MGAT4D: variants seen among roughly 807,000 people sequenced by gnomAD.
MGAT4D encodes MGAT4 family member D, also known as alpha-1,3-mannosyl-glycoprotein 4-beta-N-acetylglucosaminyltransferase-like protein MGAT4D.
In MGAT4D, 34 loss-of-function variants were observed where a neutral mutation model predicts 15.9. The observed-to-expected ratio is 2.14, with a 90% CI of 1.62 to 2.84. MGAT4D has a LOEUF of 2.84. Ranked by LOEUF, MGAT4D falls within the 30% of genes most tolerant of loss-of-function variation. The pLI is 0.00. For synonymous variants in MGAT4D, 112 were observed against 48.2 expected (o/e 2.33, Z -5.49); for missense variants, 327 against 140.2 (o/e 2.33, Z -6.73).
At position 140,451,456 on chromosome 4, in the gene MGAT4D, T is replaced by C; in HGVS notation, c.1070A>G (p.His357Arg). 1 of 636,550 alleles carries C rather than the reference T, an allele frequency of 1.6e-6. No individual in the cohort carries two copies. Among genetic ancestry groups the C allele is most frequent in the Non-Finnish European group, 2.9e-6 (1 of 348,206 alleles). The allele number at this position is 636,550 out of a possible 1,614,324, so 39.4% of individuals were successfully genotyped here. A position where few individuals can be genotyped will look rare whatever the true frequency, so the allele number is the denominator to read the frequency against. The change falls in exon 10 of 11, where the codon CAT becomes CGT. Residue 357 changes from histidine to arginine, a missense_variant. Coordinates refer to ENST00000511113, the MANE Select transcript of MGAT4D (RefSeq NM_001277353.2). Reference sequence around the variant, plus strand: ...AGGGAATGATGAATGTATACCCACATGCTGGAAAAGAGAAGGTTTATACTG... The same window carrying C: ...AGGGAATGATGAATGTATACCCACACGCTGGAAAAGAGAAGGTTTATACTG... The part of the protein sequence containing the change: ...RIQYKPSLFQ[H>R]VGIHSSFPRK...
intron 1 of MGAT4D, among the ~76,000 whole-genome samples, chr4:140,487,196 C>T (rs1050272467): frequency 2.6e-5 from 4 of 152,076 alleles, no homozygotes; most frequent in African/African-American, 7.2e-5. Context: ...CATATTTACC[C>T]AGGTATTTAG....
At chr4:140,494,483 T>C (rs56316664) in intron 1 of MGAT4D, among the ~76,000 whole-genome samples, 5,903 of 152,262 alleles carry the variant, frequency 0.039, 132 homozygotes, top group South Asian at 0.084. Context: ...CTAGGGGATC[T>C]CATCCCATTT....
At chr4:140,486,358 AT>A (rs892869219) in intron 1 of MGAT4D, among the ~76,000 whole-genome samples, 2 of 151,912 alleles carry the variant, frequency 1.3e-5, no homozygotes, top group African/African-American at 4.8e-5. Flanking sequence ...CCTTATTATT[AT>A]TTTTTTAATT....
chr4:140,486,493 C>T (rs1465523839), intron 1 of MGAT4D, among the ~76,000 whole-genome samples: 1 of 152,082 alleles, frequency 6.6e-6, no homozygotes, highest in Non-Finnish European at 1.5e-5. Context: ...CTCCCCTAGC[C>T]ACCCACCCCG....
Position 140,484,842 on chromosome 4 carries a change from A to C in MGAT4D, c.95-2357T>G, listed in dbSNP as rs1210921087. Among the ~76,000 whole-genome samples the C allele has an allele frequency of 2.6e-5, 4 of 152,180 alleles. No individual in the cohort carries two copies. The South Asian group carries it at 6.2e-4, about 24-fold the overall frequency. ...GCCATCAGAGAAATGCAAATCAAAAACACAATGAGATACCATTTCACACCA... is the reference window on the plus strand; with the variant it reads ...GCCATCAGAGAAATGCAAATCAAAACCACAATGAGATACCATTTCACACCA... On this transcript the variant is annotated intron_variant, in intron 1 of 10. Transcript: ENST00000511113.
At chr4:140,462,671 A>G (rs1188534616) in intron 6 of MGAT4D, 1 of 152,116 alleles carries the variant, frequency 6.6e-6, no homozygotes, top group Non-Finnish European at 1.5e-5. Flanking sequence ...AACTCTCCCA[A>G]TCCTAGGGAA....
intron 4 of MGAT4D, among the ~76,000 whole-genome samples, chr4:140,473,870 T>TTC (rs1732142020): frequency 7.7e-6 from 1 of 130,196 alleles, no homozygotes; most frequent in Admixed American, 8.1e-5. Context: ...AGCTAAGCAT[T>TTC]TTTTTTTTTT....
At chr4:140,492,682 C>A (rs1213855472) in intron 1 of MGAT4D, among the ~76,000 whole-genome samples, 2 of 152,008 alleles carry the variant, frequency 1.3e-5, no homozygotes, top group African/African-American at 4.8e-5. Flanking sequence ...GGAAGTTTTG[C>A]CATTTTCTCA....
At chr4:140,481,129 G>A (rs1010341257) in intron 2 of MGAT4D, among the ~76,000 whole-genome samples, 2 of 151,912 alleles carry the variant, frequency 1.3e-5, no homozygotes, top group Non-Finnish European at 2.9e-5. Context: ...GCAACATAGA[G>A]AGACCCCATC....
chr4:140,459,799 CTTTTT>C (rs576574327), intron 7 of MGAT4D, among the ~76,000 whole-genome samples, 173 bp from the exon 8 acceptor site: 8 of 109,056 alleles, frequency 7.3e-5, no homozygotes, highest in African/African-American at 2.5e-4. Context: ...AGTTGATTTC[CTTTTT>C]TTTTTTTTTT....
intron 5 of MGAT4D, among the ~76,000 whole-genome samples, chr4:140,468,836 CCTT>C (rs1731721330): frequency 6.6e-6 from 1 of 152,142 alleles, no homozygotes; most frequent in African/African-American, 2.4e-5. Flanking sequence ...GGGCTTACCT[CCTT>C]CACAGAGAAA....
rs143263723 is a variant in MGAT4D, at chr4:140,472,212, G to C, written c.526-391C>G. On this transcript the variant is annotated intron_variant, in intron 4 of 10. Transcript: ENST00000511113. ...TTGAAAACTACTCTTCATTTCCTGA[G>C]TATTATATGACAATAAGCCTACTTC... is the stretch of plus-strand genomic sequence containing the variant. Among the ~76,000 whole-genome samples the C allele has an allele frequency of 5.7e-3, 867 of 152,110 alleles. 13 individuals are homozygous for C. The highest frequency in any genetic ancestry group is 0.02 in the African/African-American group (811 of 41,506).
At chr4:140,453,717 C>G (rs1445572670) in intron 9 of MGAT4D, among the ~76,000 whole-genome samples, 1 of 151,862 alleles carries the variant, frequency 6.6e-6, no homozygotes, top group Non-Finnish European at 1.5e-5. Flanking sequence ...GCAATTACCC[C>G]CTGGCTTTCT....
chr4:140,446,184 G>A (rs931257890), intron 10 of MGAT4D, among the ~76,000 whole-genome samples: 2 of 152,120 alleles, frequency 1.3e-5, no homozygotes, highest in African/African-American at 2.4e-5. Context: ...TAGCCTCACA[G>A]AATGACTTAG....
At chr4:140,483,137 A>T (rs535305654) in intron 1 of MGAT4D, among the ~76,000 whole-genome samples, 1 of 152,144 alleles carries the variant, frequency 6.6e-6, no homozygotes, top group Non-Finnish European at 1.5e-5. Flanking sequence ...CATACATAAA[A>T]ATCTCTGCCT....
At chr4:140,444,266 T>C (rs555028074) in intron 10 of MGAT4D, among the ~76,000 whole-genome samples, 4 of 152,258 alleles carry the variant, frequency 2.6e-5, no homozygotes, top group Admixed American at 1.3e-4. Context: ...AGGTTTGTTA[T>C]ATAGGTAAAT....
intron 8 of MGAT4D, chr4:140,458,168 A>G (rs920315686): frequency 1.3e-5 from 2 of 152,228 alleles, no homozygotes; most frequent in East Asian, 1.9e-4. Context: ...TCTAGGGGAC[A>G]TATATGTCAC....
intron 10 of MGAT4D, among the ~76,000 whole-genome samples, chr4:140,448,916 GCAA>G (rs931421995): frequency 2.6e-5 from 4 of 152,096 alleles, no homozygotes; most frequent in African/African-American, 7.2e-5. Context: ...GGTAGATTTA[GCAA>G]CAACTACTAC....
At chr4:140,473,084 C>T (rs1403979059) in intron 4 of MGAT4D, among the ~76,000 whole-genome samples, 1 of 151,922 alleles carries the variant, frequency 6.6e-6, no homozygotes, top group Admixed American at 6.6e-5. Context: ...TATATCATTC[C>T]AAAGTTTGCT....
Sources: gnomAD v4.1 joint callset for allele counts (sites outside exome capture counted in the v4.1 genomes callset) on GRCh38, gnomAD v4.1.1 for gene constraint, MANE v1.5 for transcripts, NCBI Gene and HGNC (gene_info 2026-07-23, HGNC 2026-07-21) for gene names.